Variants in DPYD observed in about 807,000 individuals in gnomAD.
DPYD encodes dihydropyrimidine dehydrogenase [NADP(+)].
DPYD carries 109 observed loss-of-function variants against 116.2 expected under a neutral mutation model. That is an observed-to-expected ratio of 0.94 (90% confidence interval 0.80 to 1.10). DPYD has a LOEUF of 1.10. Ranked by LOEUF, DPYD falls within the 50% of genes least tolerant of loss-of-function variation. DPYD has a pLI of 0.00. For synonymous variants in DPYD, 440 were observed against 432.0 expected, an observed-to-expected ratio of 1.02 and a Z score of -0.23; for missense variants, 1,302 against 1,254.5, an observed-to-expected ratio of 1.04 and a Z score of -0.57.
At chr1:97,243,703 A>G (rs1473799923) in intron 18 of DPYD, among the ~76,000 whole-genome samples, 2 of 151,956 alleles carry the variant, frequency 1.3e-5, no homozygotes, top group African/African-American at 4.8e-5. Flanking sequence ...CATTATATTA[A>G]TTGTTGGATA....
rs1260153074 is a variant in DPYD at position 97,788,181 on chromosome 1, G to T, written c.233+39933C>A. ...AAGCTACAGAGGAGGCACATTAACA[G>T]AGACTTGGGACCTTCATTCCCTTCC... On this transcript the variant is annotated intron_variant, in intron 3 of 22. Coordinates refer to ENST00000370192, the MANE Select transcript of DPYD (RefSeq NM_000110.4). 2.6e-5 allele frequency among the ~76,000 whole-genome samples: 4 copies of T among 152,128 alleles called. No homozygotes were observed. In the East Asian group the frequency reaches 7.7e-4, roughly 29 times the overall value.
At chr1:97,405,413 A>G (rs942411238) in intron 14 of DPYD, among the ~76,000 whole-genome samples, 4 of 152,064 alleles carry the variant, frequency 2.6e-5, no homozygotes, top group African/African-American at 9.7e-5. Context: ...TGTCTGAGAA[A>G]GTGTTTATTT....
At chr1:97,700,399 A>G in intron 5 of DPYD, 1 of 393,238 alleles carries the variant, frequency 2.5e-6, no homozygotes, top group African/African-American at 2.1e-5. Context: ...GGTCCAGGAA[A>G]AACAAAAACT....
chr1:97,597,674 A>G (rs1473793453), intron 8 of DPYD, among the ~76,000 whole-genome samples: 1 of 152,228 alleles, frequency 6.6e-6, no homozygotes, highest in Non-Finnish European at 1.5e-5. Flanking sequence ...AAAGGCCTTA[A>G]GAACAAAATT....
intron 8 of DPYD, among the ~76,000 whole-genome samples, chr1:97,642,907 T>C (rs1027429620): frequency 6.6e-6 from 1 of 150,518 alleles, no homozygotes; most frequent in African/African-American, 2.4e-5. Context: ...TTAAATTAAA[T>C]TAAATTAAAT....
At chr1:97,496,762 G>A (rs1248864964) in intron 13 of DPYD, among the ~76,000 whole-genome samples, 1 of 151,644 alleles carries the variant, frequency 6.6e-6, no homozygotes, top group African/African-American at 2.4e-5. Context: ...ATAGCTCTTC[G>A]TTTCTAATTC....
chr1:97,514,044 C>T (rs1392550996), intron 13 of DPYD, among the ~76,000 whole-genome samples: 1 of 151,828 alleles, frequency 6.6e-6, no homozygotes, highest in Non-Finnish European at 1.5e-5. Context: ...TTCCAAAAAA[C>T]CCCGCATGGT....
At chr1:97,865,038 A>G (rs1233297581) in intron 2 of DPYD, among the ~76,000 whole-genome samples, 1 of 151,866 alleles carries the variant, frequency 6.6e-6, no homozygotes, top group Non-Finnish European at 1.5e-5. Context: ...TAGAGGAGGA[A>G]ATATTGCTGC....
At chr1:97,284,213 A>G (rs1665513393) in intron 18 of DPYD, among the ~76,000 whole-genome samples, 1 of 152,132 alleles carries the variant, frequency 6.6e-6, no homozygotes, top group Non-Finnish European at 1.5e-5. Context: ...AACAATGTTC[A>G]TGGTATATAT....
chr1:97,630,091 A>C (rs1215332540), intron 8 of DPYD, among the ~76,000 whole-genome samples: 1 of 151,912 alleles, frequency 6.6e-6, no homozygotes, highest in Non-Finnish European at 1.5e-5. Context: ...ATATTATGAC[A>C]GTTTGTTTAA....
Position 97,079,164 on chromosome 1 carries a change from G to A in DPYD, c.2908-18C>T, listed in dbSNP as rs780163365. 2 of 1,612,592 alleles carry A rather than the reference G, an allele frequency of 1.2e-6. No individual in the cohort carries two copies. The highest frequency in any genetic ancestry group is 1.1e-5 in the South Asian group (1 of 91,040). Reference sequence around the variant, plus strand: ...TGTATAGCCTGCAAACAGAAATAGAGGGTATTGATGTCACTGACCACAAAG... The same window carrying A: ...TGTATAGCCTGCAAACAGAAATAGAAGGTATTGATGTCACTGACCACAAAG... On this transcript the variant is annotated intron_variant, in intron 22 of 22. Coordinates refer to ENST00000370192, the MANE Select transcript of DPYD (RefSeq NM_000110.4).
intron 18 of DPYD, among the ~76,000 whole-genome samples, chr1:97,255,268 C>A (rs1276717178): frequency 6.6e-6 from 1 of 152,168 alleles, no homozygotes; most frequent in South Asian, 2.1e-4. Context: ...TCCTATATGA[C>A]AAGCTCTAGT....
chr1:97,818,418 T>C (rs918030073), intron 3 of DPYD, among the ~76,000 whole-genome samples: 1 of 152,028 alleles, frequency 6.6e-6, no homozygotes, highest in African/African-American at 2.4e-5. Context: ...TACTTGATAA[T>C]TATGTAATCA....
intron 14 of DPYD, among the ~76,000 whole-genome samples, chr1:97,444,606 C>CAT (rs1054969746): frequency 7.9e-4 from 120 of 152,160 alleles, no homozygotes; most frequent in Admixed American, 2.6e-3. Context: ...TACACATATA[C>CAT]ATATATATAC....
chr1:97,618,478 C>T (rs1401379166), intron 8 of DPYD, among the ~76,000 whole-genome samples: 3 of 151,332 alleles, frequency 2.0e-5, no homozygotes, highest in African/African-American at 7.3e-5. Context: ...CGGGTTCAAG[C>T]AAGTCTCCTG....
intron 3 of DPYD, among the ~76,000 whole-genome samples, chr1:97,781,748 T>G (rs1429106788): frequency 6.6e-6 from 1 of 152,202 alleles, no homozygotes; most frequent in African/African-American, 2.4e-5. Flanking sequence ...AAAGAAACCC[T>G]AAAAATTATA....
intron 14 of DPYD, among the ~76,000 whole-genome samples, chr1:97,443,070 G>A (rs1280131976): frequency 6.6e-6 from 1 of 152,118 alleles, no homozygotes; most frequent in Non-Finnish European, 1.5e-5. Flanking sequence ...TAAAAAGCAA[G>A]TCAGAGGAGA....
chr1:97,399,462 A>T (rs537448766), intron 14 of DPYD, among the ~76,000 whole-genome samples: 176 of 152,226 alleles, frequency 1.2e-3, no homozygotes, highest in Non-Finnish European at 2.0e-3. Flanking sequence ...ACTTTAAAGT[A>T]GTTTTTTTCC....
intron 12 of DPYD, chr1:97,546,697 C>A: frequency 6.2e-7 from 1 of 1,612,972 alleles, no homozygotes; most frequent in South Asian, 1.1e-5. Context: ...TGTGTGTACA[C>A]TAAAAGATAC....
Sources: allele counts gnomAD v4.1 joint callset (sites outside exome capture counted in the v4.1 genomes callset), GRCh38; gene constraint gnomAD v4.1.1; transcripts MANE v1.5; gene names NCBI Gene and HGNC (gene_info 2026-07-23, HGNC 2026-07-21).